FRMPD4: variants seen among roughly 807,000 people sequenced by gnomAD.
FRMPD4 encodes the protein FERM and PDZ domain containing 4, also known as FERM and PDZ domain-containing protein 4.
A neutral mutation model predicts 94.1 loss-of-function variants in FRMPD4; 22 were observed. The observed-to-expected ratio is 0.23, with a 90% CI of 0.17 to 0.33. FRMPD4 has a LOEUF of 0.33. FRMPD4 is among the 10% of genes least tolerant of loss of function. The pLI is 1.00. For synonymous variants in FRMPD4, 631 were observed against 548.6 expected, an observed-to-expected ratio of 1.15 and a Z score of -2.10; for missense variants, 1,111 against 1,339.9, an observed-to-expected ratio of 0.83 and a Z score of 2.67.
At chrX:11,861,731 G>A (rs1355194595) in intron 1 of FRMPD4, among the ~76,000 whole-genome samples, 2 of 112,109 alleles carry the variant, frequency 1.8e-5, no homozygotes, top group Non-Finnish European at 3.8e-5. Flanking sequence ...TCTAAGGTGA[G>A]AGAGGACCTT....
intron 5 of FRMPD4, among the ~76,000 whole-genome samples, chrX:12,678,218 C>A (rs1195062205): frequency 2.7e-5 from 3 of 112,546 alleles, no homozygotes; most frequent in Non-Finnish European, 5.6e-5. Flanking sequence ...TAACCAACCC[C>A]CATCACTGGG....
rs894627181 is a variant in FRMPD4, at chrX:12,286,797, T to C, written c.41+147785T>C. On this transcript the variant is annotated intron_variant, in intron 1 of 16. Coordinates refer to ENST00000675598, the MANE Select transcript of FRMPD4 (RefSeq NM_001368397.1). ...TCAAGTGCATGACATTTTGGTGTCC[T>C]CTAAAGAATGAAAAAAAAATGGTCC... 6.6e-5 allele frequency among the ~76,000 whole-genome samples: 7 copies of C among 105,568 alleles called. No individual in the cohort carries two copies. The Admixed American group carries it at 6.9e-4, about 10-fold the overall frequency. 91.7% of individuals were successfully genotyped at this position (105,568 alleles called of 115,157 possible). A position where few individuals can be genotyped will look rare whatever the true frequency, so the allele number is the denominator to read the frequency against.
chrX:12,686,662 C>T (rs2060026830), intron 7 of FRMPD4, among the ~76,000 whole-genome samples: 1 of 111,851 alleles, frequency 8.9e-6, no homozygotes, highest in Non-Finnish European at 1.9e-5. Flanking sequence ...GTAACATTTA[C>T]TTTTAATTTC....
intron 3 of FRMPD4, among the ~76,000 whole-genome samples, chrX:11,885,309 G>A (rs374768827): frequency 1.8e-5 from 2 of 111,253 alleles, no homozygotes; most frequent in Non-Finnish European, 3.8e-5. Context: ...TCTACTTATA[G>A]CACTTATTCT....
At chrX:12,225,953 C>T (rs983523438) in intron 1 of FRMPD4, among the ~76,000 whole-genome samples, 5 of 111,859 alleles carry the variant, frequency 4.5e-5, no homozygotes, top group Non-Finnish European at 9.4e-5. Context: ...TGACGTCAGC[C>T]TGCCTGGGGT....
intron 2 of FRMPD4, among the ~76,000 whole-genome samples, chrX:12,501,199 T>C (rs2057915991): frequency 8.9e-6 from 1 of 112,589 alleles, no homozygotes; most frequent in Admixed American, 9.4e-5. Context: ...TGTTAAAACA[T>C]AAGAGCAAAT....
intron 2 of FRMPD4, among the ~76,000 whole-genome samples, chrX:12,541,637 T>G (rs967345767): frequency 9.0e-6 from 1 of 111,699 alleles, no homozygotes; most frequent in East Asian, 2.8e-4. Context: ...CCAGATGGAT[T>G]CACAGCCGAA....
chrX:12,351,187 A>G (rs1472376894), intron 1 of FRMPD4, among the ~76,000 whole-genome samples: 1 of 109,428 alleles, frequency 9.1e-6, no homozygotes, highest in East Asian at 2.8e-4. Context: ...AAAAAAAAAA[A>G]GTGTGATTAT....
intron 2 of FRMPD4, among the ~76,000 whole-genome samples, chrX:12,529,095 G>A (rs762311055): frequency 7.1e-5 from 8 of 112,596 alleles, no homozygotes; most frequent in African/African-American, 2.3e-4. Context: ...TCTCTCACAA[G>A]GCTGCAATCA....
chrX:12,049,745 A>G (rs1304998907), intron 3 of FRMPD4, among the ~76,000 whole-genome samples: 2 of 111,853 alleles, frequency 1.8e-5, no homozygotes, highest in Non-Finnish European at 3.8e-5. Context: ...TGACAGCGCC[A>G]TGTATGTTGT....
intron 4 of FRMPD4, among the ~76,000 whole-genome samples, chrX:12,654,719 T>C (rs1380517311): frequency 9.0e-6 from 1 of 111,561 alleles, no homozygotes; most frequent in Non-Finnish European, 1.9e-5. Context: ...TTCCCAGGGA[T>C]GTTACAAGCA....
intron 3 of FRMPD4, among the ~76,000 whole-genome samples, chrX:11,894,106 C>T (rs1269653415): frequency 9.0e-6 from 1 of 111,704 alleles, no homozygotes; most frequent in Non-Finnish European, 1.9e-5. Flanking sequence ...GAGCCTGCAG[C>T]CTGCTTGTGA....
intron 2 of FRMPD4, among the ~76,000 whole-genome samples, chrX:12,524,175 A>G (rs1344825081): frequency 8.9e-6 from 1 of 111,869 alleles, no homozygotes; most frequent in Non-Finnish European, 1.9e-5. Flanking sequence ...AAAGAAAAAA[A>G]AGTTTAAAAA....
chrX:12,648,155 T>C (rs1282691946), intron 4 of FRMPD4, among the ~76,000 whole-genome samples: 1 of 111,787 alleles, frequency 8.9e-6, no homozygotes, highest in East Asian at 2.8e-4. Context: ...GTAATTATTC[T>C]ATTACTAAAG....
At chrX:12,453,934 C>T (rs950234749) in intron 1 of FRMPD4, among the ~76,000 whole-genome samples, 4 of 112,185 alleles carry the variant, frequency 3.6e-5, no homozygotes, top group Non-Finnish European at 7.5e-5. Flanking sequence ...AAATTTTATT[C>T]TTCTGTTTTA....
At chrX:12,084,908 C>A (rs151057208) in intron 3 of FRMPD4, among the ~76,000 whole-genome samples, 3 of 111,424 alleles carry the variant, frequency 2.7e-5, no homozygotes, top group Admixed American at 9.5e-5. Context: ...TTTGGTAGAG[C>A]GAGAAAAGTG....
At chrX:12,583,101 A>G (rs1275448163) in intron 2 of FRMPD4, among the ~76,000 whole-genome samples, 2 of 111,839 alleles carry the variant, frequency 1.8e-5, no homozygotes, top group Non-Finnish European at 3.8e-5. Context: ...CTGAATCTTC[A>G]TTATGTCTTT....
intron 1 of FRMPD4, among the ~76,000 whole-genome samples, chrX:12,346,541 G>A (rs5979604): frequency 0.28 from 30,896 of 110,749 alleles, 4,084 homozygotes; most frequent in African/African-American, 0.51. Flanking sequence ...GAACCGCTGC[G>A]TAGATTATTA....
At chrX:11,969,060 C>T (rs763664483) in intron 3 of FRMPD4, among the ~76,000 whole-genome samples, 24 of 112,459 alleles carry the variant, frequency 2.1e-4, no homozygotes, top group African/African-American at 7.4e-4. Flanking sequence ...CAAACCAAGC[C>T]AAATCCCGGG....
Sources: allele counts gnomAD v4.1 joint callset (sites outside exome capture counted in the v4.1 genomes callset), GRCh38; gene constraint gnomAD v4.1.1; transcripts MANE v1.5; gene names NCBI Gene and HGNC (gene_info 2026-07-23, HGNC 2026-07-21).